NEO1: variants seen among roughly 807,000 people sequenced by gnomAD.
NEO1 encodes neogenin.
A neutral mutation model predicts 159.7 loss-of-function variants in NEO1; 63 were observed. That is an observed-to-expected ratio of 0.39 (90% CI 0.32 to 0.49). NEO1 has a LOEUF of 0.49. Ranked by LOEUF, NEO1 falls within the 20% of genes least tolerant of loss-of-function variation. NEO1 has a pLI of 0.85. For missense variants in NEO1, 1,615 were observed against 1,831.0 expected, an observed-to-expected ratio of 0.88 and a Z score of 2.15; for synonymous variants, 633 against 662.0, an observed-to-expected ratio of 0.96 and a Z score of 0.67.
At chr15:73,251,482 C>G (rs942727184) in intron 11 of NEO1, among the ~76,000 whole-genome samples, 6 of 147,830 alleles carry the variant, frequency 4.1e-5, no homozygotes, top group African/African-American at 1.5e-4. Flanking sequence ...CCACTGCACT[C>G]CAGCCTGGAT....
intron 8 of NEO1, 35 bp from the exon 9 acceptor site, chr15:73,244,309 T>G: frequency 6.3e-7 from 1 of 1,589,088 alleles, no homozygotes; most frequent in Non-Finnish European, 8.6e-7. Flanking sequence ...GTATTCCTAA[T>G]TAATGCTATC....
chr15:73,270,027 T>G lies in NEO1; in HGVS notation c.2512T>G (p.Leu838Val). 6.2e-7 allele frequency: 1 copy of G among 1,613,988 alleles called. No homozygotes were observed. The highest frequency in any genetic ancestry group is 2.2e-5 in the East Asian group (1 of 44,876). The change falls in exon 17 of 29, where the codon TTA becomes GTA. Residue 838 changes from leucine to valine, a missense_variant. This residue lies in a region of NEO1 where 1,018 missense variants were observed against 1,115.4 expected (regional missense o/e 0.91). Coordinates refer to ENST00000261908, the MANE Select transcript of NEO1 (RefSeq NM_002499.4). ...RPHTDTSEVD[L>V]FVINAPYTPV... ...CTGCTCAGACACTTCTGAAGTTGAT[T>G]TATTTGTTATTAATGCTCCATACAC...
At chr15:73,211,828 G>A (rs909138712) in intron 7 of NEO1, among the ~76,000 whole-genome samples, 6 of 152,184 alleles carry the variant, frequency 3.9e-5, no homozygotes, top group Admixed American at 3.9e-4. Flanking sequence ...TGAGTCTTTT[G>A]GGTCTCACAT....
At chr15:73,214,980 G>A (rs1116880) in intron 7 of NEO1, among the ~76,000 whole-genome samples, 45,725 of 151,978 alleles carry the variant, frequency 0.3, 8,540 homozygotes, top group Admixed American at 0.44. Flanking sequence ...AGTTTTCCTT[G>A]TAGAGGTCTT....
chr15:73,227,999 A>G (rs2038686917), intron 7 of NEO1, among the ~76,000 whole-genome samples: 2 of 152,238 alleles, frequency 1.3e-5, no homozygotes, highest in African/African-American at 2.4e-5. Flanking sequence ...AGCTGTTGAA[A>G]GAAAGACTGG....
intron 23 of NEO1, among the ~76,000 whole-genome samples, chr15:73,284,338 A>G (rs1452729461): frequency 6.6e-6 from 1 of 152,168 alleles, no homozygotes; most frequent in Non-Finnish European, 1.5e-5. Flanking sequence ...CCAAGGCAAG[A>G]ATGCATGTAT....
At chr15:73,102,314 C>T (rs1396098329) in intron 1 of NEO1, among the ~76,000 whole-genome samples, 2 of 151,844 alleles carry the variant, frequency 1.3e-5, no homozygotes, top group Non-Finnish European at 2.9e-5. Context: ...TGCAGTGAGC[C>T]GAGATCACGC....
At position 73,070,917 on chromosome 15, in the gene NEO1, C is replaced by T. The variant is rs138356806; in HGVS notation, c.130+18112C>T. ...GTAATATCTTTTAAGATTATATCTT[C>T]AGTAGGGGCTGGTTGCCTTAGCCAT... On this transcript the variant is annotated intron_variant, in intron 1 of 28. Coordinates refer to ENST00000261908, the MANE Select transcript of NEO1 (RefSeq NM_002499.4). 2.8e-3 allele frequency among the ~76,000 whole-genome samples: 422 copies of T among 152,270 alleles called. 2 individuals are homozygous for T. Among genetic ancestry groups the T allele is most frequent in the African/African-American group, 9.6e-3 (399 of 41,550 alleles).
chr15:73,094,231 T>A (rs1305036703), intron 1 of NEO1, among the ~76,000 whole-genome samples: 1 of 152,210 alleles, frequency 6.6e-6, no homozygotes, highest in Non-Finnish European at 1.5e-5. Context: ...AGCAGTCTAC[T>A]GTCCATTTCT....
intron 12 of NEO1, among the ~76,000 whole-genome samples, chr15:73,254,120 T>C (rs1438293396): frequency 6.6e-6 from 1 of 151,782 alleles, no homozygotes; most frequent in Non-Finnish European, 1.5e-5. Context: ...AGCCCGGGAG[T>C]TGAAGGTTGC....
chr15:73,221,473 C>T (rs1254172557), intron 7 of NEO1, among the ~76,000 whole-genome samples: 2 of 152,210 alleles, frequency 1.3e-5, no homozygotes, highest in African/African-American at 4.8e-5. Context: ...CAGACAGGGA[C>T]ATTTAAGTCT....
intron 1 of NEO1, among the ~76,000 whole-genome samples, chr15:73,106,202 C>T (rs578170139): frequency 6.6e-5 from 10 of 151,978 alleles, no homozygotes; most frequent in South Asian, 4.2e-4. Context: ...TGTCATGATT[C>T]GTATTAATCT....
intron 7 of NEO1, among the ~76,000 whole-genome samples, chr15:73,230,448 A>T (rs1019774415): frequency 1.3e-5 from 2 of 152,046 alleles, no homozygotes. Context: ...TTAGTTTCCT[A>T]GTCTTCTACC....
intron 7 of NEO1, among the ~76,000 whole-genome samples, chr15:73,183,916 A>C (rs2035767476): frequency 6.6e-6 from 1 of 152,192 alleles, no homozygotes; most frequent in South Asian, 2.1e-4. Flanking sequence ...TTTCACACTA[A>C]TGACATGACA....
At chr15:73,213,416 G>C (rs141444951) in intron 7 of NEO1, among the ~76,000 whole-genome samples, 2 of 151,930 alleles carry the variant, frequency 1.3e-5, no homozygotes, top group South Asian at 2.1e-4. Flanking sequence ...TTTGTCCCTC[G>C]CCTCCCTCCC....
chr15:73,283,023 A>G lies in NEO1; in HGVS notation c.3322A>G (p.Ile1108Val), dbSNP rs1185485581. The G allele has an allele frequency of 4.3e-6, 7 of 1,614,088 alleles. No individual in the cohort carries two copies. Among genetic ancestry groups the G allele is most frequent in the Admixed American group, 3.3e-5 (2 of 60,008 alleles). Residue 1108 changes from isoleucine to valine, a missense_variant, in exon 23 of 29, where the codon ATA becomes GTA. Around this residue, in one of 3 missense-constraint regions of NEO1, gnomAD observed 471 missense variants for 498.9 expected, o/e 0.94. Coordinates refer to ENST00000261908, the MANE Select transcript of NEO1 (RefSeq NM_002499.4). Reference sequence around the variant, plus strand: ...TCTGGACAGTAATATGCTGCTGGTCATAATTGTTTCTGTTGGCGTCATCAC... The same window carrying G: ...TCTGGACAGTAATATGCTGCTGGTCGTAATTGTTTCTGTTGGCGTCATCAC... Reference protein sequence around the residue: ...SPLDSNMLLVIIVSVGVITIV... With the variant: ...SPLDSNMLLVVIVSVGVITIV...
chr15:73,275,845 A>C lies in NEO1; in HGVS notation c.3193+1121A>C, dbSNP rs567793326. 2.0e-5 allele frequency among the ~76,000 whole-genome samples: 3 copies of C among 152,254 alleles called. No homozygotes were observed. In the South Asian group the frequency reaches 6.2e-4, roughly 32 times the overall value. ...CAGCTAATGCTAGTATGTTTTCCAT[A>C]CTGAGAATGAACATTAAAAGTAAAT... On this transcript the variant is annotated intron_variant, in intron 21 of 28. Transcript: ENST00000261908.
At chr15:73,077,471 T>G (rs1215637285) in intron 1 of NEO1, among the ~76,000 whole-genome samples, 2 of 152,222 alleles carry the variant, frequency 1.3e-5, no homozygotes, top group Non-Finnish European at 2.9e-5. Flanking sequence ...AACAAGTAAG[T>G]ACAAGGAAGC....
At chr15:73,150,179 G>A (rs896804022) in intron 5 of NEO1, among the ~76,000 whole-genome samples, 1 of 152,218 alleles carries the variant, frequency 6.6e-6, no homozygotes, top group African/African-American at 2.4e-5. Flanking sequence ...TCAGATGGTT[G>A]TTCTGTGCCA....
Sources: allele counts gnomAD v4.1 joint callset (sites outside exome capture counted in the v4.1 genomes callset), GRCh38; gene constraint gnomAD v4.1.1; regional missense constraint gnomAD v4.1.1; transcripts MANE v1.5; gene names NCBI Gene and HGNC (gene_info 2026-07-23, HGNC 2026-07-21).